PTPRD: variants seen among roughly 807,000 people sequenced by gnomAD.
PTPRD encodes receptor-type tyrosine-protein phosphatase delta.
A neutral mutation model predicts 214.5 loss-of-function variants in PTPRD; 34 were observed. The ratio of observed to expected loss-of-function variants is 0.16; its 90% CI spans 0.12 to 0.21. PTPRD has a LOEUF of 0.21. Among genes scored for constraint, PTPRD ranks in the 10% least tolerant of loss-of-function variants. The probability of loss-of-function intolerance (pLI) is 1.00; values close to 1 mark genes in which losing one functional copy is unlikely to be tolerated. For missense variants in PTPRD, 2,545 were observed against 2,398.7 expected (o/e 1.06, Z -1.27); for synonymous variants, 1,128 against 845.7 (o/e 1.33, Z -5.79).
chr9:10,586,603 T>C (rs575577338), intron 2 of PTPRD, among the ~76,000 whole-genome samples: 39 of 152,242 alleles, frequency 2.6e-4, no homozygotes, highest in African/African-American at 9.1e-4. Context: ...TATGTTCTTA[T>C]ATGTCTTTCA....
At chr9:8,458,163 T>C (rs764070156) in intron 33 of PTPRD, among the ~76,000 whole-genome samples, 17 of 152,150 alleles carry the variant, frequency 1.1e-4, no homozygotes, top group Non-Finnish European at 2.4e-4. Flanking sequence ...CACACTAAAA[T>C]GCTACTCTAT....
chr9:10,428,309 G>T lies in PTPRD; in HGVS notation c.-599-87292C>A, dbSNP rs187748400. ...ACGACAGAGCAAGACTCTGTCTTGGGGGAAAAAAAATCATATTGCAGAATT... is the reference window on the plus strand; with the variant it reads ...ACGACAGAGCAAGACTCTGTCTTGGTGGAAAAAAAATCATATTGCAGAATT... On this transcript the variant is annotated intron_variant, in intron 2 of 45. Coordinates refer to ENST00000381196, the MANE Select transcript of PTPRD (RefSeq NM_002839.4). Among the ~76,000 whole-genome samples the T allele has an allele frequency of 7.2e-5, 11 of 151,830 alleles. 1 individual carries two copies. The East Asian group carries it at 2.0e-3, about 27-fold the overall frequency.
At chr9:9,006,309 T>C (rs1029389788) in intron 11 of PTPRD, among the ~76,000 whole-genome samples, 2 of 152,062 alleles carry the variant, frequency 1.3e-5, no homozygotes, top group African/African-American at 4.8e-5. Flanking sequence ...TTTATAAATT[T>C]GGATTCTCCT....
intron 2 of PTPRD, among the ~76,000 whole-genome samples, chr9:10,592,306 C>A (rs1364855807): frequency 6.6e-6 from 1 of 151,990 alleles, no homozygotes; most frequent in African/African-American, 2.4e-5. Flanking sequence ...TCACCAAATG[C>A]AGCAGCCAAT....
rs371436767 is a variant in PTPRD at position 8,633,183 on chromosome 9, G to C, written c.352+134C>G. 6 of 1,146,652 alleles carry C rather than the reference G, an allele frequency of 5.2e-6. No individual in the cohort carries two copies. In the African/African-American group the frequency reaches 9.6e-5, roughly 18 times the overall value. The allele number at this position is 1,146,652 out of a possible 1,614,324, so 71.0% of individuals were successfully genotyped here. A position where few individuals can be genotyped will look rare whatever the true frequency, so the allele number is the denominator to read the frequency against. ...AGAAGGTATCCACTGTCTAATTAAA[G>C]TTCAAGTCTTACAAACATTTAACTG... is the stretch of plus-strand genomic sequence containing the variant. On this transcript the variant is annotated intron_variant, in intron 14 of 45. Transcript: ENST00000381196.
intron 7 of PTPRD, among the ~76,000 whole-genome samples, chr9:9,696,155 G>T (rs749776811): frequency 6.6e-6 from 1 of 152,072 alleles, no homozygotes; most frequent in Non-Finnish European, 1.5e-5. Flanking sequence ...ATTCCATTAT[G>T]GTCATAAAAG....
intron 3 of PTPRD, among the ~76,000 whole-genome samples, chr9:10,285,370 G>T (rs1197062363): frequency 6.6e-6 from 1 of 151,838 alleles, no homozygotes; most frequent in Admixed American, 6.6e-5. Context: ...ATTTTGTCGG[G>T]GTTCAGAACA....
chr9:9,638,299 A>T (rs2095836587), intron 7 of PTPRD, among the ~76,000 whole-genome samples: 1 of 152,184 alleles, frequency 6.6e-6, no homozygotes, highest in Non-Finnish European at 1.5e-5. Context: ...CAGCATTCTG[A>T]ACGCTGCTGC....
chr9:9,418,145 G>C (rs529731827), intron 8 of PTPRD, among the ~76,000 whole-genome samples: 1 of 151,984 alleles, frequency 6.6e-6, no homozygotes, highest in Non-Finnish European at 1.5e-5. Context: ...CTCATTTTCA[G>C]ATCCTTTAGA....
At chr9:8,427,236 T>C (rs2094739775) in intron 35 of PTPRD, among the ~76,000 whole-genome samples, 1 of 152,166 alleles carries the variant, frequency 6.6e-6, no homozygotes, top group African/African-American at 2.4e-5. Flanking sequence ...TTCTGCACTG[T>C]CTAGAGATAG....
intron 7 of PTPRD, among the ~76,000 whole-genome samples, chr9:9,594,010 T>C (rs659206): frequency 0.39 from 59,042 of 151,916 alleles, 11,928 homozygotes; most frequent in African/African-American, 0.43. Context: ...AGTACAGTGG[T>C]ACTTGTATGT....
intron 7 of PTPRD, 75 bp downstream of exon 7, chr9:9,734,458 C>G (rs2098257307): frequency 6.6e-6 from 1 of 151,696 alleles, no homozygotes; most frequent in South Asian, 2.1e-4. Context: ...GAAATAAAAA[C>G]ATACTCCAAG....
intron 3 of PTPRD, among the ~76,000 whole-genome samples, chr9:10,256,977 C>G (rs1413637060): frequency 4.6e-5 from 7 of 152,126 alleles, no homozygotes; most frequent in Non-Finnish European, 1.0e-4. Context: ...ATTATATACT[C>G]TATATATCAA....
At chr9:9,587,230 T>C (rs2092136233) in intron 7 of PTPRD, among the ~76,000 whole-genome samples, 1 of 151,998 alleles carries the variant, frequency 6.6e-6, no homozygotes, top group African/African-American at 2.4e-5. Context: ...ATTATAATTG[T>C]TAATACTAAT....
intron 3 of PTPRD, among the ~76,000 whole-genome samples, chr9:10,145,210 T>A (rs780272140): frequency 1.3e-5 from 2 of 152,068 alleles, no homozygotes; most frequent in Admixed American, 6.6e-5. Flanking sequence ...TAGGACCACA[T>A]CAATTTCTTG....
chr9:8,628,402 C>A (rs1228465263), intron 14 of PTPRD, among the ~76,000 whole-genome samples: 1 of 151,792 alleles, frequency 6.6e-6, no homozygotes, highest in Admixed American at 6.6e-5. Flanking sequence ...GCAAACATTT[C>A]TATTTCCCAT....
intron 4 of PTPRD, among the ~76,000 whole-genome samples, chr9:10,016,986 C>A (rs2096731534): frequency 2.0e-5 from 3 of 152,108 alleles, no homozygotes; most frequent in Admixed American, 2.0e-4. Flanking sequence ...GTAAGCATTT[C>A]TTTAGGATAG....
chr9:8,510,500 G>A (rs1458966890), intron 21 of PTPRD, among the ~76,000 whole-genome samples: 4 of 152,140 alleles, frequency 2.6e-5, no homozygotes, highest in East Asian at 1.9e-4. Flanking sequence ...TCTTGTCCCA[G>A]CTTCCGATTT....
chr9:10,610,502 TA>T (rs1288666147), intron 2 of PTPRD, among the ~76,000 whole-genome samples: 2 of 143,854 alleles, frequency 1.4e-5, no homozygotes, highest in South Asian at 2.3e-4. Flanking sequence ...TATTTTTCAA[TA>T]ATTAAGTTTT....
Sources: gnomAD v4.1 joint callset for allele counts (sites outside exome capture counted in the v4.1 genomes callset) on GRCh38, gnomAD v4.1.1 for gene constraint, MANE v1.5 for transcripts, NCBI Gene and HGNC (gene_info 2026-07-23, HGNC 2026-07-21) for gene names.